The following GBP3 variants were observed in gnomAD, a reference collection of about 807,000 sequenced individuals.
GBP3 encodes guanylate-binding protein 3.
GBP3 carries 55 observed loss-of-function variants against 62.4 expected under a neutral mutation model. The observed-to-expected ratio is 0.88, with a 90% confidence interval of 0.71 to 1.10. The LOEUF (loss-of-function observed/expected upper bound fraction) is 1.10. Among genes scored for constraint, GBP3 ranks in the 50% least tolerant of loss-of-function variants. GBP3 has a pLI of 0.00. For missense variants in GBP3, 605 were observed against 690.6 expected, an observed-to-expected ratio of 0.88 and a Z score of 1.39; for synonymous variants, 208 against 259.2, an observed-to-expected ratio of 0.80 and a Z score of 1.90.
intron 1 of GBP3, among the ~76,000 whole-genome samples, chr1:89,021,203 G>T (rs758986371): frequency 2.0e-5 from 3 of 152,078 alleles, no homozygotes; most frequent in Non-Finnish European, 4.4e-5. Context: ...TTATAAATGT[G>T]TTCCTTCCTC....
At chr1:89,013,112 A>C in intron 6 of GBP3, 73 bp downstream of exon 6, 1 of 1,499,014 alleles carries the variant, frequency 6.7e-7, no homozygotes, top group Non-Finnish European at 9.1e-7. Flanking sequence ...TGCTGGGATT[A>C]CAGGCATGAA....
chr1:89,013,294 A>G lies in GBP3; in HGVS notation c.759T>C (p.Asp253=). 12 of 1,614,196 alleles carry G rather than the reference A, an allele frequency of 7.4e-6. No homozygotes were observed. The highest frequency in any genetic ancestry group is 9.3e-6 in the Non-Finnish European group (11 of 1,180,018). The part of the protein sequence containing the change: ...RKLAQLEKLQ[D]EELDPEFVQQ... ...GCACAAATTCAGGGTCCAGCTCTTCATCTTGTAGTTTCTCAAGCTGGGCAA... is the reference window on the plus strand; with the variant it reads ...GCACAAATTCAGGGTCCAGCTCTTCGTCTTGTAGTTTCTCAAGCTGGGCAA... Residue 253 remains aspartate (D), a synonymous_variant, in exon 6 of 11, where the codon GAT becomes GAC. Coordinates refer to ENST00000370481, the MANE Select transcript of GBP3 (RefSeq NM_018284.3).
At chr1:89,013,950 G>A (rs1020972224) in intron 5 of GBP3, 133 bp downstream of exon 5, 2 of 950,130 alleles carry the variant, frequency 2.1e-6, no homozygotes, top group Admixed American at 2.7e-5. Flanking sequence ...CTAATAGCAA[G>A]CATTAATTCT....
chr1:89,007,557 T>C lies in GBP3; in HGVS notation c.*167A>G. 1 of 683,616 alleles carries C rather than the reference T, an allele frequency of 1.5e-6. No homozygotes were observed. The highest frequency in any genetic ancestry group is 2.5e-6 in the Non-Finnish European group (1 of 407,650). 42.3% of individuals were successfully genotyped at this position (683,616 alleles called of 1,614,324 possible). A position where few individuals can be genotyped will look rare whatever the true frequency, so the allele number is the denominator to read the frequency against. ...TGCATCTTTGTTGCACAATTTACAA[T>C]CTTTTTAAGGAAAAAACATGATTTT... On this transcript the variant is annotated 3_prime_UTR_variant, in exon 11 of 11. Transcript: ENST00000370481.
In GBP3 at chr1:89,014,187, G is replaced by T; in HGVS notation, c.521C>A (p.Pro174Gln). Residue 174 changes from proline (P) to glutamine (Q), a missense_variant, in exon 5 of 11, where the codon CCA (proline) becomes CAA (glutamine). Coordinates refer to ENST00000370481, the MANE Select transcript of GBP3 (RefSeq NM_018284.3). ...EDSADFVSFFPDFVWTLRDFS... is the reference protein window; with the variant it reads ...EDSADFVSFFQDFVWTLRDFS... ...ATCTCTCAGTGTCCACACAAAATCTGGGAAGAAGCTCACAAAGTCAGCTGA... is the reference window on the plus strand; with the variant it reads ...ATCTCTCAGTGTCCACACAAAATCTTGGAAGAAGCTCACAAAGTCAGCTGA... The T allele has an allele frequency of 1.9e-6, 3 of 1,614,174 alleles. No individual in the cohort carries two copies. The highest frequency in any genetic ancestry group is 2.5e-6 in the Non-Finnish European group (3 of 1,180,020).
chr1:89,018,838 AC>A (rs1049568859), intron 2 of GBP3, among the ~76,000 whole-genome samples: 11 of 151,020 alleles, frequency 7.3e-5, no homozygotes, highest in Non-Finnish European at 1.3e-4. Context: ...GAAGGCTGTG[AC>A]CCCCCTGGAC....
At chr1:89,008,791 G>A in intron 10 of GBP3, 156 bp downstream of exon 10, 3 of 1,390,074 alleles carry the variant, frequency 2.2e-6, no homozygotes, top group Non-Finnish European at 2.9e-6. Context: ...GTAGGCAGTG[G>A]CCATTTCAAG....
chr1:89,012,111 C>A (rs1191798763), intron 6 of GBP3, 84 bp from the exon 7 acceptor site: 4 of 1,257,684 alleles, frequency 3.2e-6, no homozygotes, highest in Non-Finnish European at 3.3e-6. Flanking sequence ...TCAATTTCCA[C>A]CTATTTTCCT....
intron 2 of GBP3, among the ~76,000 whole-genome samples, chr1:89,017,205 C>G (rs1353407160): frequency 2.0e-5 from 3 of 151,934 alleles, no homozygotes; most frequent in African/African-American, 4.8e-5. Context: ...AATGAACTCT[C>G]ACATCTATAG....
intron 10 of GBP3, 81 bp downstream of exon 10, chr1:89,008,866 C>A (rs140794197): frequency 1.3e-6 from 2 of 1,598,800 alleles, no homozygotes; most frequent in Non-Finnish European, 8.5e-7. Flanking sequence ...GCTTTATGTT[C>A]GCTCTGCCAT....
chr1:89,019,239 T>G (rs985339462), intron 2 of GBP3, among the ~76,000 whole-genome samples: 3 of 152,228 alleles, frequency 2.0e-5, no homozygotes, highest in African/African-American at 7.2e-5. Flanking sequence ...AGCGAACAGA[T>G]AAATTAGTAT....
At chr1:89,009,189 T>C (rs768756939) in intron 9 of GBP3, 49 bp from the exon 10 acceptor site, 2 of 1,575,878 alleles carry the variant, frequency 1.3e-6, no homozygotes, top group Non-Finnish European at 1.7e-6. Context: ...GTTGCCTCAT[T>C]CTTAGTTATA....
At chr1:89,014,357 T>C in intron 4 of GBP3, 78 bp from the exon 5 acceptor site, 1 of 1,606,770 alleles carries the variant, frequency 6.2e-7, no homozygotes, top group African/African-American at 1.3e-5. Flanking sequence ...TCCCAAACCT[T>C]CCATTTTCCT....
intron 8 of GBP3, 50 bp from the exon 9 acceptor site, chr1:89,009,544 G>A (rs1327371157): frequency 1.2e-5 from 20 of 1,606,236 alleles, no homozygotes; most frequent in East Asian, 2.2e-5. Context: ...GCTGTAAGCA[G>A]GTTTTCCTGT....
chr1:89,007,941 G>T, intron 10 of GBP3, 89 bp from the exon 11 acceptor site: 1 of 1,227,202 alleles, frequency 8.1e-7, no homozygotes, highest in Non-Finnish European at 1.1e-6. Context: ...GATTTATTTA[G>T]TACTTAGTTT....
rs1678240594 is a variant in GBP3, at chr1:89,006,791, T to C, written c.*933A>G. On this transcript the variant is annotated 3_prime_UTR_variant, in exon 11 of 11. Coordinates refer to ENST00000370481, the MANE Select transcript of GBP3 (RefSeq NM_018284.3). ...CAATTGGGATGAAGTCTACATATACTAAGTAATGGCAAGACAATTATTTTA... is the reference window on the plus strand; with the variant it reads ...CAATTGGGATGAAGTCTACATATACCAAGTAATGGCAAGACAATTATTTTA... 6.6e-6 allele frequency: 1 copy of C among 152,220 alleles called. No individual in the cohort carries two copies. The highest frequency in any genetic ancestry group is 1.9e-4 in the East Asian group (1 of 5,198). 9.4% of individuals were successfully genotyped at this position (152,220 alleles called of 1,614,324 possible). A position where few individuals can be genotyped will look rare whatever the true frequency, so the allele number is the denominator to read the frequency against.
intron 3 of GBP3, 127 bp from the exon 4 acceptor site, chr1:89,014,783 C>G: frequency 3.5e-6 from 4 of 1,135,720 alleles, no homozygotes; most frequent in African/African-American, 1.6e-5. Context: ...TGAAAAGAAC[C>G]CAAATCCAAA....
At position 89,020,666 on chromosome 1, in the gene GBP3, C is replaced by G; in HGVS notation, c.56G>C (p.Gly19Ala). 2 of 1,614,174 alleles carry G rather than the reference C, an allele frequency of 1.2e-6. No homozygotes were observed. Among genetic ancestry groups the G allele is most frequent in the African/African-American group, 2.7e-5 (2 of 75,046 alleles). ...AGCTTCTGGATTCGCCACCAGTTCC[C>G]CATTAGTGTTCTCAATGAGGCACAT... ...GPMCLIENTN[G>A]ELVANPEALK... The change falls in exon 2 of 11, where the codon GGG (glycine) becomes GCG (alanine). Residue 19 changes from glycine to alanine, a missense_variant. Gly to Ala is a moderately conservative substitution (Grantham distance 60, BLOSUM62 0). Transcript: ENST00000370481.
chr1:89,020,145 G>A (rs1460110719), intron 2 of GBP3: 1 of 387,518 alleles, frequency 2.6e-6, no homozygotes, highest in East Asian at 7.3e-5. Context: ...AGGCTGAGGT[G>A]AGAGGATTGC....
Sources: gnomAD v4.1 joint callset for allele counts (sites outside exome capture counted in the v4.1 genomes callset) on GRCh38, gnomAD v4.1.1 for gene constraint, MANE v1.5 for transcripts, NCBI Gene and HGNC (gene_info 2026-07-23, HGNC 2026-07-21) for gene names.